The following NELL1 variants were observed in gnomAD, a reference collection of about 807,000 sequenced individuals.
The protein encoded by NELL1 is neural EGFL like 1, also known as protein kinase C-binding protein NELL1.
In NELL1, 76 loss-of-function variants were observed where a neutral mutation model predicts 107.4. That is an observed-to-expected ratio of 0.71 (90% CI 0.59 to 0.86). NELL1 has a LOEUF of 0.86. Among genes scored for constraint, NELL1 ranks in the 40% least tolerant of loss-of-function variants. The probability of loss-of-function intolerance (pLI) is 0.00; values close to 1 mark genes in which losing one functional copy is unlikely to be tolerated. For missense variants in NELL1, 1,024 were observed against 1,005.5 expected (o/e 1.02, Z -0.25); for synonymous variants, 353 against 341.2 (o/e 1.03, Z -0.38).
At chr11:21,074,246 C>G (rs953205408) in intron 12 of NELL1, among the ~76,000 whole-genome samples, 1 of 152,112 alleles carries the variant, frequency 6.6e-6, no homozygotes, top group African/African-American at 2.4e-5. Context: ...TGCATATTAA[C>G]GAGACTCCTG....
intron 15 of NELL1, among the ~76,000 whole-genome samples, chr11:21,513,839 C>G (rs1855495499): frequency 6.6e-6 from 1 of 152,124 alleles, no homozygotes; most frequent in African/African-American, 2.4e-5. Flanking sequence ...AGAGCCAGAA[C>G]TTGAGTTTGG....
At chr11:21,489,970 A>C (rs998906929) in intron 15 of NELL1, among the ~76,000 whole-genome samples, 3 of 152,086 alleles carry the variant, frequency 2.0e-5, no homozygotes, top group Admixed American at 1.3e-4. Flanking sequence ...AAGAAAAAGA[A>C]AAAAAATATC....
At chr11:20,928,040 A>G (rs189190573) in intron 8 of NELL1, among the ~76,000 whole-genome samples, 4 of 152,362 alleles carry the variant, frequency 2.6e-5, no homozygotes, top group African/African-American at 9.6e-5. Flanking sequence ...AGGAAAATAC[A>G]AAACAGATTG....
intron 13 of NELL1, among the ~76,000 whole-genome samples, chr11:21,160,498 A>G (rs746286859): frequency 2.4e-4 from 37 of 152,170 alleles, no homozygotes; most frequent in Non-Finnish European, 4.9e-4. Flanking sequence ...CCTGCATAAT[A>G]GTAAAAAGGA....
At position 21,336,483 on chromosome 11, in the gene NELL1, A is replaced by G. The variant is rs75267185; in HGVS notation, c.1550-34370A>G. Among the ~76,000 whole-genome samples, 819 of 151,946 alleles carry G rather than the reference A, an allele frequency of 5.4e-3. 7 individuals carry two copies. Among genetic ancestry groups the G allele is most frequent in the Middle Eastern group, 0.014 (4 of 294 alleles). On this transcript the variant is annotated intron_variant, in intron 14 of 19. Coordinates refer to ENST00000357134, the MANE Select transcript of NELL1 (RefSeq NM_006157.5). ...TGTTTCCACTTTGCTTTCCAGTCTA[A>G]CCTGGTTTTCTCAAAATTATCTGCC...
At chr11:21,426,105 C>T (rs989891224) in intron 15 of NELL1, among the ~76,000 whole-genome samples, 19 of 152,044 alleles carry the variant, frequency 1.2e-4, no homozygotes, top group Non-Finnish European at 8.8e-5. Flanking sequence ...GAGGAGAAAA[C>T]CCTTTTGTTT....
In NELL1 at chr11:21,150,478, G is replaced by T. The variant is rs146598024; in HGVS notation, c.1426+36764G>T. On this transcript the variant is annotated intron_variant, in intron 13 of 19. Coordinates refer to ENST00000357134, the MANE Select transcript of NELL1 (RefSeq NM_006157.5). ...CTCATTAATCCTCTTCAATTGCTAA[G>T]AGCCATAAGAAGGGCATGAGGGACT... Among the ~76,000 whole-genome samples the T allele has an allele frequency of 3.1e-3, 465 of 152,210 alleles. 3 individuals are homozygous for T. Among genetic ancestry groups the T allele is most frequent in the African/African-American group, 8.7e-3 (363 of 41,548 alleles).
At chr11:20,686,194 C>T (rs1207048341) in intron 2 of NELL1, among the ~76,000 whole-genome samples, 1 of 152,100 alleles carries the variant, frequency 6.6e-6, no homozygotes, top group Non-Finnish European at 1.5e-5. Flanking sequence ...ACCTTCATTT[C>T]AGTGCTAGCC....
chr11:21,119,686 T>C (rs943832511), intron 13 of NELL1, among the ~76,000 whole-genome samples: 1 of 152,120 alleles, frequency 6.6e-6, no homozygotes, highest in African/African-American at 2.4e-5. Context: ...AGAGATCCCT[T>C]AGTTGCTCTT....
intron 12 of NELL1, among the ~76,000 whole-genome samples, chr11:21,010,890 C>T (rs1008853683): frequency 6.6e-6 from 1 of 152,070 alleles, no homozygotes; most frequent in Non-Finnish European, 1.5e-5. Context: ...GCTGCCCAGC[C>T]CCCTTTCTGT....
chr11:21,174,458 A>C (rs1856671003), intron 13 of NELL1, among the ~76,000 whole-genome samples: 1 of 151,986 alleles, frequency 6.6e-6, no homozygotes, highest in East Asian at 1.9e-4. Flanking sequence ...TGATATATAA[A>C]ATTGAAATAA....
chr11:21,339,040 A>C (rs1363591927), intron 14 of NELL1, among the ~76,000 whole-genome samples: 1 of 152,184 alleles, frequency 6.6e-6, no homozygotes, highest in Non-Finnish European at 1.5e-5. Context: ...ATCAGCGCTG[A>C]ATCCAGTTCT....
intron 2 of NELL1, among the ~76,000 whole-genome samples, chr11:20,700,891 C>A (rs1425115152): frequency 1.3e-5 from 2 of 152,148 alleles, no homozygotes; most frequent in Non-Finnish European, 2.9e-5. Context: ...GCCACATTTT[C>A]TTAACCCAAT....
chr11:21,468,531 T>C (rs952031443), intron 15 of NELL1, among the ~76,000 whole-genome samples: 1 of 152,058 alleles, frequency 6.6e-6, no homozygotes, highest in East Asian at 1.9e-4. Flanking sequence ...AAAAAAGGTA[T>C]GAGCATGCCT....
chr11:21,110,634 T>A (rs1855084603), intron 12 of NELL1, among the ~76,000 whole-genome samples: 1 of 152,134 alleles, frequency 6.6e-6, no homozygotes, highest in Non-Finnish European at 1.5e-5. Context: ...GCAGGCTGGC[T>A]GGCAGCTGTG....
At chr11:21,421,642 A>C (rs2133822562) in intron 15 of NELL1, among the ~76,000 whole-genome samples, 1 of 128,236 alleles carries the variant, frequency 7.8e-6, no homozygotes, top group African/African-American at 3.1e-5. Context: ...CCACTAAAAC[A>C]ACTTCCAGGA....
intron 4 of NELL1, among the ~76,000 whole-genome samples, chr11:20,849,352 T>G (rs1402271671): frequency 6.6e-6 from 1 of 152,228 alleles, no homozygotes; most frequent in African/African-American, 2.4e-5. Context: ...GGAGCAGTTC[T>G]TAGGTGGTGC....
At chr11:20,848,264 T>C (rs1456758332) in intron 4 of NELL1, among the ~76,000 whole-genome samples, 2 of 152,194 alleles carry the variant, frequency 1.3e-5, no homozygotes, top group African/African-American at 2.4e-5. Flanking sequence ...CCTTTTGGAA[T>C]TGATGCCAGG....
At chr11:21,469,638 A>G (rs1348802484) in intron 15 of NELL1, among the ~76,000 whole-genome samples, 2 of 152,090 alleles carry the variant, frequency 1.3e-5, no homozygotes, top group East Asian at 3.9e-4. Context: ...GACCATCTAT[A>G]TGCCACAAAT....
Sources: allele counts gnomAD v4.1 joint callset (sites outside exome capture counted in the v4.1 genomes callset), GRCh38; gene constraint gnomAD v4.1.1; transcripts MANE v1.5; gene names NCBI Gene and HGNC (gene_info 2026-07-23, HGNC 2026-07-21).